Variants in KMT2B observed in about 807,000 individuals in gnomAD.
KMT2B encodes the protein lysine methyltransferase 2B, also known as histone-lysine N-methyltransferase 2B.
Under a neutral mutation model 255.3 loss-of-function variants are expected in KMT2B, and 22 were observed. The observed-to-expected ratio is 0.09, with a 90% confidence interval of 0.06 to 0.12. The LOEUF is 0.12. KMT2B is among the 10% of genes least tolerant of loss of function. The pLI is 1.00. For missense variants in KMT2B, 3,149 were observed against 3,737.0 expected (o/e 0.84, Z 4.10); for synonymous variants, 1,730 against 1,498.1 (o/e 1.15, Z -3.57).
Position 35,737,694 on chromosome 19 carries a change from G to T in KMT2B, c.7609G>T (p.Gly2537Trp). Residue 2537 changes from glycine to tryptophan, a missense_variant, in exon 34 of 37, where the codon GGG becomes TGG. By Grantham distance (184) the Gly-to-Trp change is radical. This residue lies in a region of KMT2B where 103 missense variants were observed against 200.7 expected (regional missense o/e 0.51). Coordinates refer to ENST00000420124, the MANE Select transcript of KMT2B (RefSeq NM_014727.3). This position sits in a 1 kb window ranked among gnomAD's most constrained non-coding sequence, Gnocchi z 5.3. ...CTCCCAGCACCGGGTGCTCCCTGAG[G>T]GGGCCACCTGTGATGAGGAAGAGGA... is the stretch of plus-strand genomic sequence containing the variant. ...LASQHRVLPE[G>W]ATCDEEEDEV... is the part of the protein sequence containing the mutation. The T allele has an allele frequency of 6.3e-7, 1 of 1,583,996 alleles. No individual in the cohort carries two copies.
In KMT2B at chr19:35,727,970, G is replaced by A. The variant is rs1969532856; in HGVS notation, c.4482G>A (p.Lys1494=). ...TPDRRAGGQM[K]GLLLKLLESA... ...ACCGCCGGGCTGGAGGCCAGATGAAGGGGCTCCTGCTGAAGGTGAGCTCTT... is the reference window on the plus strand; with the variant it reads ...ACCGCCGGGCTGGAGGCCAGATGAAAGGGCTCCTGCTGAAGGTGAGCTCTT... The change falls in exon 18 of 37, where the codon AAG becomes AAA. Residue 1494 remains lysine (K), a synonymous_variant. Coordinates refer to ENST00000420124, the MANE Select transcript of KMT2B (RefSeq NM_014727.3). The surrounding 1 kb of genome is among the most constrained non-coding windows in gnomAD (Gnocchi z 4.2). The A allele has an allele frequency of 6.4e-7, 1 of 1,572,664 alleles. No individual in the cohort carries two copies. Among genetic ancestry groups the A allele is most frequent in the Non-Finnish European group, 8.6e-7 (1 of 1,157,266 alleles).
rs945058180 is a variant in KMT2B, at chr19:35,722,280, G to C, written c.2458-79G>C. 1.3e-5 allele frequency: 19 copies of C among 1,415,568 alleles called. No individual in the cohort carries two copies. In the African/African-American group the frequency reaches 2.4e-4, roughly 18 times the overall value. The allele number at this position is 1,415,568 out of a possible 1,614,324, so 87.7% of individuals were successfully genotyped here. On this transcript the variant is annotated intron_variant, in intron 3 of 36. Coordinates refer to ENST00000420124, the MANE Select transcript of KMT2B (RefSeq NM_014727.3). ...GGCCTCCCAAAGTGCTGGGATTACA[G>C]GCATCAGCCACCACACCCAGCTCCC...
chr19:35,720,892 C>T lies in KMT2B; in HGVS notation c.1545C>T (p.Pro515=). 6.2e-7 allele frequency: 1 copy of T among 1,603,106 alleles called. No homozygotes were observed. Among genetic ancestry groups the T allele is most frequent in the East Asian group, 2.3e-5 (1 of 44,190 alleles). The change falls in exon 3 of 37, where the codon CCC becomes CCT. Residue 515 remains proline (P), a synonymous_variant. Transcript: ENST00000420124. ...GPPEDSPTVA[P]KSTTFLKNIR... is the part of the protein sequence containing the mutation. ...CGGAAGACAGTCCCACCGTGGCCCCCAAAAGCACCACCTTCCTGAAGAATA... is the reference window on the plus strand; with the variant it reads ...CGGAAGACAGTCCCACCGTGGCCCCTAAAAGCACCACCTTCCTGAAGAATA...
chr19:35,726,518 T>C (rs1368266924), intron 14 of KMT2B, among the ~76,000 whole-genome samples, 165 bp downstream of exon 14: 1 of 152,084 alleles, frequency 6.6e-6, no homozygotes, highest in South Asian at 2.1e-4. Context: ...ATCCAGTATG[T>C]AAAACAGGGA....
At position 35,724,655 on chromosome 19, in the gene KMT2B, C is replaced by G; in HGVS notation, c.3353C>G (p.Pro1118Arg). 3 of 1,599,990 alleles carry G rather than the reference C, an allele frequency of 1.9e-6. No individual in the cohort carries two copies. The highest frequency in any genetic ancestry group is 2.6e-6 in the Non-Finnish European group (3 of 1,173,674). The change falls in exon 9 of 37, where the codon CCT becomes CGT. Residue 1118 changes from proline (P) to arginine (R), a missense_variant. Coordinates refer to ENST00000420124, the MANE Select transcript of KMT2B (RefSeq NM_014727.3). ...TGCCTAGAGCTGCCACTGCCAGAAC[C>G]TGAGGAGCAGAGCCGGCCCCGCAAA... ...PRENELPLPE[P>R]EEQSRPRKPT...
rs995978300 is a variant in KMT2B at position 35,720,294 on chromosome 19, T to C, written c.947T>C (p.Met316Thr). The C allele has an allele frequency of 3.1e-6, 5 of 1,613,338 alleles. No individual in the cohort carries two copies. Among genetic ancestry groups the C allele is most frequent in the East Asian group, 4.5e-5 (2 of 44,870 alleles). The change falls in exon 3 of 37, where the codon ATG becomes ACG. Residue 316 changes from methionine to threonine, a missense_variant. Around this residue, in one of 18 missense-constraint regions of KMT2B, gnomAD observed 1,188 missense variants for 1,106.4 expected, o/e 1.07. Coordinates refer to ENST00000420124, the MANE Select transcript of KMT2B (RefSeq NM_014727.3). ...GTTTCAAGGGCCAAAAAAGTAAAGA[T>C]GGGACAATTGTCCTTGGGACTCGAA... ...KFVSRAKKVK[M>T]GQLSLGLESG... is the part of the protein sequence containing the mutation.
Position 35,727,947 on chromosome 19 carries a change from C to A in KMT2B, c.4459C>A (p.Arg1487Ser), listed in dbSNP as rs774736378. 9 of 1,588,086 alleles carry A rather than the reference C, an allele frequency of 5.7e-6. No homozygotes were observed. The South Asian group carries it at 5.7e-5, about 10-fold the overall frequency. ...CTCGGAGGAGGGAGAGACCCCGGAC[C>A]GCCGGGCTGGAGGCCAGATGAAGGG... is the stretch of plus-strand genomic sequence containing the variant. ...RHSEEGETPD[R>S]RAGGQMKGLL... Residue 1487 changes from arginine (R) to serine (S), a missense_variant, in exon 18 of 37, where the codon CGC (arginine) becomes AGC (serine). Transcript: ENST00000420124. The surrounding 1 kb of genome is among the most constrained non-coding windows in gnomAD (Gnocchi z 4.2).
chr19:35,719,303 G>T (rs1969085855), intron 1 of KMT2B, among the ~76,000 whole-genome samples, 166 bp from the exon 2 acceptor site: 1 of 152,202 alleles, frequency 6.6e-6, no homozygotes, highest in Admixed American at 6.5e-5. Flanking sequence ...TCCCTAGGGA[G>T]AGACCCTCTC....
chr19:35,722,763 C>A, intron 5 of KMT2B, 45 bp downstream of exon 5: 1 of 1,540,472 alleles, frequency 6.5e-7, no homozygotes, highest in Non-Finnish European at 8.7e-7. Flanking sequence ...GGGGATGACC[C>A]CACACTTGGG....
chr19:35,730,773 G>A lies in KMT2B; in HGVS notation c.5343G>A (p.Leu1781=), dbSNP rs369181665. The A allele has an allele frequency of 1.2e-6, 2 of 1,613,852 alleles. No homozygotes were observed. Among genetic ancestry groups the A allele is most frequent in the African/African-American group, 2.7e-5 (2 of 75,060 alleles). The change falls in exon 26 of 37, where the codon CTG becomes CTA. Residue 1781 remains leucine (L), a synonymous_variant. Transcript: ENST00000420124. ...RRRCWYRCRI[L]EYRPWGPREE... ...GCTGCTGGTATCGGTGCCGAATTCT[G>A]GAGTATCGGCCATGGGGGCCGAGGG...
intron 8 of KMT2B, 24 bp downstream of exon 8, chr19:35,724,031 C>T (rs764844519): frequency 1.5e-4 from 229 of 1,547,536 alleles, no homozygotes; most frequent in Non-Finnish European, 1.9e-4. Flanking sequence ...AATGCTTTCT[C>T]TGTTGATCAT....
At chr19:35,730,251 C>T in intron 23 of KMT2B, 91 bp from the exon 24 acceptor site, 1 of 1,597,220 alleles carries the variant, frequency 6.3e-7, no homozygotes, top group South Asian at 1.1e-5. Flanking sequence ...TTCCCAGAGG[C>T]CTTTAGGCCA....
intron 14 of KMT2B, 111 bp downstream of exon 14, chr19:35,726,464 A>G (rs1484243904): frequency 1.4e-6 from 1 of 735,882 alleles, no homozygotes; most frequent in Non-Finnish European, 2.4e-6. Context: ...CCTTGTAGCT[A>G]TGGGACTATC....
rs377408813 is a variant in KMT2B at position 35,732,277 on chromosome 19, C to T, written c.5728C>T (p.Pro1910Ser). ...GGGAGACCCGGACTTCCCAGCTCCCCCCAGACGTTCCCGTCGTCCCAGCCC... is the reference window on the plus strand; with the variant it reads ...GGGAGACCCGGACTTCCCAGCTCCCTCCAGACGTTCCCGTCGTCCCAGCCC... ...TVGDPDFPAP[P>S]RRSRRPSPLA... Residue 1910 changes from proline to serine, a missense_variant, in exon 28 of 37, where the codon CCC (proline) becomes TCC (serine). Around this residue, in one of 18 missense-constraint regions of KMT2B, gnomAD observed 897 missense variants for 825.3 expected, o/e 1.09. Transcript: ENST00000420124. 6.2e-7 allele frequency: 1 copy of T among 1,610,320 alleles called. No individual in the cohort carries two copies. The highest frequency in any genetic ancestry group is 1.7e-5 in the Admixed American group (1 of 59,682).
intron 23 of KMT2B, 23 bp from the exon 24 acceptor site, chr19:35,730,319 C>T (rs1189830456): frequency 1.2e-6 from 2 of 1,608,854 alleles, no homozygotes; most frequent in Non-Finnish European, 1.7e-6. Context: ...GCAGCCACCT[C>T]ACTTTGCCAC....
chr19:35,731,636 A>G (rs1324889085), intron 26 of KMT2B, among the ~76,000 whole-genome samples: 1 of 152,174 alleles, frequency 6.6e-6, no homozygotes, highest in Non-Finnish European at 1.5e-5. Context: ...GAGGGAGGGC[A>G]GTTCCCCATG....
rs1465536428 is a variant in KMT2B, at chr19:35,718,386, G to A, written c.363+5G>A. 3 of 1,264,196 alleles carry A rather than the reference G, an allele frequency of 2.4e-6. No homozygotes were observed. Among genetic ancestry groups the A allele is most frequent in the Non-Finnish European group, 3.0e-6 (3 of 997,274 alleles). 78.3% of individuals were successfully genotyped at this position (1,264,196 alleles called of 1,614,324 possible). On this transcript the variant is annotated splice_donor_5th_base_variant and intron_variant, in intron 1 of 36. Transcript: ENST00000420124. This position sits in a 1 kb window ranked among gnomAD's most constrained non-coding sequence, Gnocchi z 5.0. The stretch of plus-strand genomic sequence containing the variant: ...GACGGGGAATCCGACGAGGAGGTGA[G>A]GCGGTTGGAGGCGTCCCCGGCGCCG...
chr19:35,736,925 T>G lies in KMT2B; in HGVS notation c.7311T>G (p.Thr2437=). The G allele has an allele frequency of 6.2e-7, 1 of 1,613,902 alleles. No individual in the cohort carries two copies. Among genetic ancestry groups the G allele is most frequent in the East Asian group, 2.2e-5 (1 of 44,868 alleles). ...EAESLEGAWR[T]LIEKVQEARG... is the part of the protein sequence containing the mutation. ...CTGTCTCCCCAGGGGCGTGGAGAACTCTGATCGAGAAAGTGCAAGAGGCCC... is the reference window on the plus strand; with the variant it reads ...CTGTCTCCCCAGGGGCGTGGAGAACGCTGATCGAGAAAGTGCAAGAGGCCC... Residue 2437 remains threonine (T), a synonymous_variant, in exon 32 of 37, where the codon ACT becomes ACG. Transcript: ENST00000420124.
rs753974461 is a variant in KMT2B, at chr19:35,720,310, G to C, written c.963G>C (p.Leu321Phe). 6.2e-7 allele frequency: 1 copy of C among 1,613,164 alleles called. No individual in the cohort carries two copies. Among genetic ancestry groups the C allele is most frequent in the Non-Finnish European group, 8.5e-7 (1 of 1,179,632 alleles). Residue 321 changes from leucine (L) to phenylalanine (F), a missense_variant, in exon 3 of 37, where the codon TTG (leucine) becomes TTC (phenylalanine). Physicochemically the swap from Leu to Phe is conservative, Grantham distance 22. Coordinates refer to ENST00000420124, the MANE Select transcript of KMT2B (RefSeq NM_014727.3). ...AAGTAAAGATGGGACAATTGTCCTT[G>C]GGACTCGAATCAGGTCAAGGTCAAG... ...AKKVKMGQLS[L>F]GLESGQGQGQ... is the part of the protein sequence containing the mutation.
Sources: gnomAD v4.1 joint callset for allele counts (sites outside exome capture counted in the v4.1 genomes callset) on GRCh38, gnomAD v4.1.1 for gene constraint, gnomAD v4.1.1 regional missense constraint, Gnocchi (gnomAD v3.1) non-coding constraint, MANE v1.5 for transcripts, NCBI Gene and HGNC (gene_info 2026-07-23, HGNC 2026-07-21) for gene names.